The following BCL2L14 variants were observed in gnomAD, a reference collection of about 807,000 sequenced individuals.
BCL2L14 encodes the protein apoptosis facilitator Bcl-2-like protein 14.
BCL2L14 carries 27 observed loss-of-function variants against 35.3 expected under a neutral mutation model. That is an observed-to-expected ratio of 0.76 (90% CI 0.56 to 1.05). The LOEUF is 1.05. BCL2L14 is among the 50% of genes least tolerant of loss of function. The pLI is 0.00. For synonymous variants in BCL2L14, 139 were observed against 145.9 expected (o/e 0.95, Z 0.34); for missense variants, 377 against 382.6 (o/e 0.99, Z 0.12).
chr12:12,090,725 G>GT, intron 3 of BCL2L14, 54 bp from the exon 4 acceptor site: 1 of 1,444,518 alleles, frequency 6.9e-7, no homozygotes, highest in Admixed American at 1.7e-5. Context: ...CTGGAAAAAT[G>GT]TAAGATTATT....
intron 2 of BCL2L14, among the ~76,000 whole-genome samples, chr12:12,057,838 T>C (rs187550001): frequency 2.5e-4 from 37 of 149,048 alleles, no homozygotes; most frequent in Admixed American, 2.3e-3. Flanking sequence ...GGTTTAGTGG[T>C]TAGCGTCATG....
chr12:12,085,654 C>G (rs1180752210), intron 2 of BCL2L14, among the ~76,000 whole-genome samples: 6 of 152,178 alleles, frequency 3.9e-5, no homozygotes, highest in Non-Finnish European at 7.3e-5. Flanking sequence ...ATGGACAGAG[C>G]AGTATCTTCT....
chr12:12,065,925 A>G (rs1002947235), intron 2 of BCL2L14, among the ~76,000 whole-genome samples: 5 of 151,774 alleles, frequency 3.3e-5, no homozygotes, highest in African/African-American at 1.2e-4. Flanking sequence ...TGAGTAGCTG[A>G]GATTACAGGC....
Position 12,079,498 on chromosome 12 carries a change from G to C in BCL2L14, c.193G>C (p.Glu65Gln). 3.1e-6 allele frequency: 5 copies of C among 1,614,240 alleles called. No homozygotes were observed. The highest frequency in any genetic ancestry group is 4.2e-6 in the Non-Finnish European group (5 of 1,180,042). The change falls in exon 2 of 6, where the codon GAG becomes CAG. Residue 65 changes from glutamate (E) to glutamine (Q), a missense_variant. Glu to Gln is a conservative substitution (Grantham distance 29, BLOSUM62 2). Transcript: ENST00000308721. The stretch of plus-strand genomic sequence containing the variant: ...GGGCCTGGGGAATTGTTCAGCAAAT[G>C]AGTCATGGACAGAGGTGTCATGGCC... ...QRGLGNCSANESWTEVSWPCR... is the reference protein window; with the variant it reads ...QRGLGNCSANQSWTEVSWPCR...
At chr12:12,053,921 G>A (rs978508410) in intron 2 of BCL2L14, among the ~76,000 whole-genome samples, 9 of 152,152 alleles carry the variant, frequency 5.9e-5, no homozygotes, top group South Asian at 4.1e-4. Context: ...TGGGTTTTAC[G>A]TTGAACCCTA....
chr12:12,081,551 A>AT (rs35006788), intron 2 of BCL2L14, among the ~76,000 whole-genome samples: 41,258 of 140,428 alleles, frequency 0.29, 5,982 homozygotes, highest in East Asian at 0.36. Context: ...CAAAGCCCAG[A>AT]TTTTTTTTTT....
chr12:12,068,868 T>TGTTTGATTGAGTATACGGGTATTCC (rs1948624367), upstream of BCL2L14, among the ~76,000 whole-genome samples: 1 of 152,160 alleles, frequency 6.6e-6, no homozygotes, highest in Non-Finnish European at 1.5e-5. Context: ...TGGCATGGGC[T>TGTTTGATTGAGTATACGGGTATTCC]GTTTGATTGA....
rs1202727474 is a variant in BCL2L14 at position 12,079,320 on chromosome 12, T to C, written c.15T>C (p.Ser5=). 2 of 1,613,634 alleles carry C rather than the reference T, an allele frequency of 1.2e-6. No homozygotes were observed. Among genetic ancestry groups the C allele is most frequent in the Non-Finnish European group, 1.7e-6 (2 of 1,179,834 alleles). Residue 5 remains serine (S), a synonymous_variant, in exon 2 of 6, where the codon AGT becomes AGC. Coordinates refer to ENST00000308721, the MANE Select transcript of BCL2L14 (RefSeq NM_138723.2). ...ACAGGCCCAACATGTGTAGCACCAG[T>C]GGGTGTGACCTGGAAGAAATCCCCC... MCST[S]GCDLEEIPLD... is the part of the protein sequence containing the mutation.
intron 2 of BCL2L14, among the ~76,000 whole-genome samples, chr12:12,056,420 T>G (rs1228699769): frequency 5.3e-5 from 8 of 152,168 alleles, no homozygotes; most frequent in Non-Finnish European, 1.2e-4. Context: ...CCCTCATCTA[T>G]AGTAAGAAGC....
At chr12:12,085,121 C>T (rs1041603339) in intron 2 of BCL2L14, among the ~76,000 whole-genome samples, 2 of 149,096 alleles carry the variant, frequency 1.3e-5, no homozygotes, top group African/African-American at 4.9e-5. Flanking sequence ...ACCCTGTACA[C>T]AGTTAGCCAG....
At chr12:12,065,400 A>G (rs1203195735) in intron 2 of BCL2L14, among the ~76,000 whole-genome samples, 3 of 151,946 alleles carry the variant, frequency 2.0e-5, no homozygotes. Flanking sequence ...GCTGGGCATG[A>G]TGGCGTGCAC....
intron 5 of BCL2L14, among the ~76,000 whole-genome samples, 192 bp from the exon 6 acceptor site, chr12:12,098,758 G>A (rs151252948): frequency 3.9e-5 from 6 of 152,226 alleles, no homozygotes; most frequent in East Asian, 3.9e-4. Context: ...GGTGTGTAAC[G>A]TAAGACCTTA....
At chr12:12,095,603 A>G (rs926534219) in intron 5 of BCL2L14, 30 of 985,140 alleles carry the variant, frequency 3.0e-5, no homozygotes, top group Non-Finnish European at 3.5e-5. Context: ...CTACCCCACA[A>G]CTTTAACTCT....
At chr12:12,068,198 G>A (rs1565450391), upstream of BCL2L14, 3 of 398,436 alleles carry the variant, frequency 7.5e-6, no homozygotes, top group Admixed American at 4.4e-5. Context: ...TCCTGCCTCA[G>A]CCTCCCAAAG....
intron 3 of BCL2L14, among the ~76,000 whole-genome samples, chr12:12,088,504 T>G (rs1396887700): frequency 6.6e-6 from 1 of 152,208 alleles, no homozygotes; most frequent in Non-Finnish European, 1.5e-5. Context: ...CCTTTTCCTA[T>G]TGGCACAGCT....
chr12:12,053,423 CTTT>C (rs5796482), intron 2 of BCL2L14, among the ~76,000 whole-genome samples: 21 of 148,700 alleles, frequency 1.4e-4, no homozygotes, highest in East Asian at 3.9e-4. Context: ...TCTTCTTCTT[CTTT>C]TTTTTTTTTT....
intron 2 of BCL2L14, among the ~76,000 whole-genome samples, chr12:12,056,776 C>T (rs1948438829): frequency 6.6e-6 from 1 of 152,176 alleles, no homozygotes; most frequent in Non-Finnish European, 1.5e-5. Flanking sequence ...TCGGAGGTTG[C>T]AGTGAGCCGA....
At chr12:12,089,041 C>T (rs1262730100) in intron 3 of BCL2L14, among the ~76,000 whole-genome samples, 1 of 152,332 alleles carries the variant, frequency 6.6e-6, no homozygotes, top group South Asian at 2.1e-4. Context: ...AGTGTTAACC[C>T]AATATATCGA....
At chr12:12,095,165 A>G (rs885720) in intron 5 of BCL2L14, 778,485 of 984,812 alleles carry the variant, frequency 0.79, 310,523 homozygotes, top group Non-Finnish European at 0.81. Context: ...TGTGGATGGA[A>G]AGGGACTGGT....
Sources: allele counts gnomAD v4.1 joint callset (sites outside exome capture counted in the v4.1 genomes callset), GRCh38; gene constraint gnomAD v4.1.1; transcripts MANE v1.5; gene names NCBI Gene and HGNC (gene_info 2026-07-23, HGNC 2026-07-21).